Variants in CNTN4 observed in about 807,000 individuals in gnomAD.
The protein encoded by CNTN4 is contactin-4.
CNTN4 carries 77 observed loss-of-function variants against 122.5 expected under a neutral mutation model. The observed-to-expected ratio is 0.63, with a 90% confidence interval of 0.52 to 0.76. The LOEUF (loss-of-function observed/expected upper bound fraction) is 0.76. Ranked by LOEUF, CNTN4 falls within the 30% of genes least tolerant of loss-of-function variation. The pLI, the probability that CNTN4 is intolerant of heterozygous loss-of-function variation, is 0.00. For synonymous variants in CNTN4, 512 were observed against 447.0 expected, an observed-to-expected ratio of 1.15 and a Z score of -1.83; for missense variants, 1,256 against 1,259.1, an observed-to-expected ratio of 1.00 and a Z score of 0.04.
At chr3:2,278,753 C>G (rs530079844) in intron 2 of CNTN4, among the ~76,000 whole-genome samples, 2 of 149,718 alleles carry the variant, frequency 1.3e-5, no homozygotes, top group African/African-American at 5.1e-5. Context: ...TTAGTTTCCT[C>G]ATTTGTAAAA....
intron 2 of CNTN4, among the ~76,000 whole-genome samples, chr3:2,235,030 G>A (rs905671480): frequency 1.3e-5 from 2 of 152,014 alleles, no homozygotes; most frequent in Non-Finnish European, 2.9e-5. Flanking sequence ...ATTTATCTTG[G>A]CTTATCTGTT....
intron 7 of CNTN4, among the ~76,000 whole-genome samples, chr3:2,820,550 C>T (rs1000052185): frequency 5.3e-5 from 8 of 152,112 alleles, no homozygotes; most frequent in African/African-American, 7.2e-5. Context: ...GCCCTTCTCC[C>T]ATCCCCAAGA....
At chr3:2,749,483 A>G (rs1230814147) in intron 6 of CNTN4, among the ~76,000 whole-genome samples, 1 of 152,142 alleles carries the variant, frequency 6.6e-6, no homozygotes, top group Non-Finnish European at 1.5e-5. Flanking sequence ...ATTTAATACA[A>G]TCTAGAATGA....
At chr3:2,277,413 A>G (rs1331949730) in intron 2 of CNTN4, among the ~76,000 whole-genome samples, 1 of 152,184 alleles carries the variant, frequency 6.6e-6, no homozygotes, top group Non-Finnish European at 1.5e-5. Flanking sequence ...TATGGAGTGG[A>G]ACAAAAGTTC....
At chr3:2,547,276 AT>A (rs2078287947) in intron 3 of CNTN4, among the ~76,000 whole-genome samples, 3 of 126,652 alleles carry the variant, frequency 2.4e-5, no homozygotes, top group African/African-American at 5.6e-5. Context: ...TTATTTATTT[AT>A]TTTGAGATGG....
chr3:3,014,145 G>A (rs761188408), intron 14 of CNTN4, among the ~76,000 whole-genome samples: 1 of 152,006 alleles, frequency 6.6e-6, no homozygotes, highest in Non-Finnish European at 1.5e-5. Flanking sequence ...GAATGAGGAA[G>A]TCATTAATGT....
At chr3:3,047,757 AG>A (rs1700822963) in intron 23 of CNTN4, among the ~76,000 whole-genome samples, 1 of 151,220 alleles carries the variant, frequency 6.6e-6, no homozygotes, top group Non-Finnish European at 1.5e-5. Flanking sequence ...AGCTAGCAGA[AG>A]GCAAGAAATA....
rs141476075 is a variant in CNTN4 at position 2,763,557 on chromosome 3, C to T, written c.358+17860C>T. 3.5e-4 allele frequency among the ~76,000 whole-genome samples: 54 copies of T among 152,162 alleles called. 2 individuals are homozygous for T. In the East Asian group the frequency reaches 3.7e-3, roughly 10 times the overall value. ...TTGTCTTTGTAATGAAATCTTTGCC[C>T]GTGCCTATGTCCTGAATGGTATTGC... On this transcript the variant is annotated intron_variant, in intron 6 of 24. Transcript: ENST00000418658.
chr3:2,876,522 T>G (rs1157380461), intron 8 of CNTN4, among the ~76,000 whole-genome samples: 2 of 152,266 alleles, frequency 1.3e-5, no homozygotes, highest in African/African-American at 4.8e-5. Flanking sequence ...GTCCCTTCTG[T>G]AGTTAAATTT....
chr3:2,159,456 C>G (rs886955748), intron 2 of CNTN4, among the ~76,000 whole-genome samples: 1 of 152,112 alleles, frequency 6.6e-6, no homozygotes, highest in African/African-American at 2.4e-5. Context: ...CCAGTTCAAC[C>G]TGAATATTGG....
In CNTN4 at chr3:2,633,408, A is replaced by T. The variant is rs146642234; in HGVS notation, c.55+61850A>T. On this transcript the variant is annotated intron_variant, in intron 4 of 24. Transcript: ENST00000418658. ...ATGCGTCCAAATTCTGCTCCTGTAC[A>T]TGTTTAATAAACAGAGATGTCTACA... Among the ~76,000 whole-genome samples the T allele has an allele frequency of 1.4e-4, 22 of 152,308 alleles. No homozygotes were observed. The East Asian group carries it at 2.5e-3, about 17-fold the overall frequency.
rs575807798 is a variant in CNTN4 at position 2,945,038 on chromosome 3, G to A, written c.1358+19259G>A. On this transcript the variant is annotated intron_variant, in intron 13 of 24. Coordinates refer to ENST00000418658, the MANE Select transcript of CNTN4 (RefSeq NM_175607.3). ...ATCACCTATAAGGGGTATAAGCTTAGTGGAGGCAGTTCCCCGTTTCAGGGG... is the reference window on the plus strand; with the variant it reads ...ATCACCTATAAGGGGTATAAGCTTAATGGAGGCAGTTCCCCGTTTCAGGGG... Among the ~76,000 whole-genome samples, 21 of 152,270 alleles carry A rather than the reference G, an allele frequency of 1.4e-4. No homozygotes were observed. In the South Asian group the frequency reaches 1.5e-3, roughly 11 times the overall value.
chr3:2,187,357 A>T (rs542657789), intron 2 of CNTN4, among the ~76,000 whole-genome samples: 8 of 152,296 alleles, frequency 5.3e-5, no homozygotes, highest in African/African-American at 1.9e-4. Flanking sequence ...GAAGTCAGGT[A>T]GCATGATGCC....
chr3:2,317,085 G>C (rs2150180957), intron 2 of CNTN4, among the ~76,000 whole-genome samples: 1 of 152,166 alleles, frequency 6.6e-6, no homozygotes, highest in East Asian at 1.9e-4. Context: ...TTAAATACTT[G>C]TAACACTATC....
At chr3:2,852,748 C>T (rs546723253) in intron 7 of CNTN4, among the ~76,000 whole-genome samples, 100 of 152,240 alleles carry the variant, frequency 6.6e-4, no homozygotes, top group Admixed American at 1.5e-3. Context: ...AGAGTAGATA[C>T]TTGACCGGTT....
intron 3 of CNTN4, among the ~76,000 whole-genome samples, chr3:2,569,898 A>G (rs1350437073): frequency 6.6e-6 from 1 of 152,156 alleles, no homozygotes; most frequent in Admixed American, 6.6e-5. Context: ...TATTGCAATT[A>G]TATGAAATTC....
intron 7 of CNTN4, among the ~76,000 whole-genome samples, chr3:2,820,280 A>C (rs2092833176): frequency 6.6e-6 from 1 of 152,184 alleles, no homozygotes; most frequent in South Asian, 2.1e-4. Context: ...CTCAGGGAAA[A>C]CAGTTTACTT....
intron 4 of CNTN4, among the ~76,000 whole-genome samples, chr3:2,732,485 T>C (rs978910615): frequency 1.3e-5 from 2 of 149,802 alleles, no homozygotes; most frequent in East Asian, 1.9e-4. Context: ...TCTGGTTACA[T>C]AGAACAACTT....
intron 7 of CNTN4, among the ~76,000 whole-genome samples, chr3:2,858,988 C>G (rs889995267): frequency 6.6e-6 from 1 of 152,168 alleles, no homozygotes; most frequent in African/African-American, 2.4e-5. Flanking sequence ...CCATGTTGTA[C>G]AATAGCTCTC....
Sources: gnomAD v4.1 joint callset for allele counts (sites outside exome capture counted in the v4.1 genomes callset) on GRCh38, gnomAD v4.1.1 for gene constraint, MANE v1.5 for transcripts, NCBI Gene and HGNC (gene_info 2026-07-23, HGNC 2026-07-21) for gene names.